CACNA1C: variants seen among roughly 807,000 people sequenced by gnomAD.
CACNA1C encodes the protein calcium voltage-gated channel subunit alpha1 C.
A neutral mutation model predicts 229.0 loss-of-function variants in CACNA1C; 30 were observed. The ratio of observed to expected loss-of-function variants is 0.13; its 90% CI spans 0.10 to 0.18. The LOEUF is 0.18. CACNA1C is among the 10% of genes least tolerant of loss of function. The pLI, the probability that CACNA1C is intolerant of heterozygous loss-of-function variation, is 1.00. For missense variants in CACNA1C, 1,658 were observed against 2,845.0 expected (o/e 0.58, Z 9.49); for synonymous variants, 1,114 against 1,132.5 (o/e 0.98, Z 0.33).
intron 3 of CACNA1C, among the ~76,000 whole-genome samples, chr12:2,323,394 C>T (rs11833218): frequency 0.033 from 4,954 of 152,270 alleles, 185 homozygotes; most frequent in African/African-American, 0.085. Context: ...TGCAGCTGCA[C>T]CTTGGCAAAG....
chr12:2,128,201 G>T (rs1490119865), intron 3 of CACNA1C, among the ~76,000 whole-genome samples: 1 of 152,228 alleles, frequency 6.6e-6, no homozygotes, highest in Admixed American at 6.5e-5. Flanking sequence ...TGGAACTTAG[G>T]ACTGTATGAA....
chr12:2,292,926 G>A lies in CACNA1C; in HGVS notation c.478-156050G>A, dbSNP rs11615645. Among the ~76,000 whole-genome samples, 271 of 151,544 alleles carry A rather than the reference G, an allele frequency of 1.8e-3. 2 individuals carry two copies. The highest frequency in any genetic ancestry group is 3.1e-3 in the Non-Finnish European group (209 of 67,898). On this transcript the variant is annotated intron_variant, in intron 3 of 46. Transcript: ENST00000399655. Reference sequence around the variant, plus strand: ...ATGCCAGAGAGCTTTCCGTAATTGCGTCCTTTCTTTTTTTTTTTTTCTGGT... The same window carrying A: ...ATGCCAGAGAGCTTTCCGTAATTGCATCCTTTCTTTTTTTTTTTTTCTGGT...
intron 1 of CACNA1C, among the ~76,000 whole-genome samples, chr12:1,976,038 CA>C (rs2034250040): frequency 6.6e-6 from 1 of 152,136 alleles, no homozygotes; most frequent in African/African-American, 2.4e-5. Context: ...AGAGATACCA[CA>C]AGGCTCAAGA....
chr12:2,607,197 T>A, intron 26 of CACNA1C, 67 bp downstream of exon 26: 3 of 1,514,670 alleles, frequency 2.0e-6, no homozygotes, highest in Non-Finnish European at 2.7e-6. Context: ...TTCCAGCCCA[T>A]CCCCAAGTTT....
rs2154457682 is a variant in CACNA1C at position 1,971,021 on chromosome 12, G to T, written c.-42G>T. On this transcript the variant is annotated 5_prime_UTR_variant, in exon 1 of 47. Transcript: ENST00000682462. The surrounding 1 kb of genome is among the most constrained non-coding windows in gnomAD (Gnocchi z 4.2). ...AGATCATGAGCAGGATAATTATTTA[G>T]CTTTAAAAATCAACCAATTAATATA... The T allele has an allele frequency of 8.1e-7, 1 of 1,233,996 alleles. No homozygotes were observed. The highest frequency in any genetic ancestry group is 1.3e-5 in the South Asian group (1 of 76,756). 76.4% of individuals were successfully genotyped at this position (1,233,996 alleles called of 1,614,324 possible). A position where few individuals can be genotyped will look rare whatever the true frequency, so the allele number is the denominator to read the frequency against.
chr12:2,354,860 G>T lies in CACNA1C; in HGVS notation c.478-94116G>T, dbSNP rs564200231. On this transcript the variant is annotated intron_variant, in intron 3 of 46. Coordinates refer to ENST00000399655, the MANE Select transcript of CACNA1C (RefSeq NM_000719.7). The surrounding 1 kb of genome is among the most constrained non-coding windows in gnomAD (Gnocchi z 4.6). ...AGCTGGAGTAACCATTTCAGAGCTG[G>T]TCGTTTCCCCGCAGCTTTAGATTCC... Among the ~76,000 whole-genome samples the T allele has an allele frequency of 2.0e-5, 3 of 152,218 alleles. No individual in the cohort carries two copies. The East Asian group carries it at 5.8e-4, about 29-fold the overall frequency.
At chr12:2,379,477 G>A (rs1035225110) in intron 3 of CACNA1C, among the ~76,000 whole-genome samples, 9 of 152,156 alleles carry the variant, frequency 5.9e-5, no homozygotes, top group South Asian at 2.1e-4. Context: ...AAGAAGGCAC[G>A]TTGTTAAAAG....
intron 3 of CACNA1C, among the ~76,000 whole-genome samples, chr12:2,129,990 A>G (rs1293646748): frequency 6.6e-6 from 1 of 152,154 alleles, no homozygotes; most frequent in Non-Finnish European, 1.5e-5. Context: ...TGGGTTTTAT[A>G]ACATTGATTT....
chr12:2,585,466 G>A lies in CACNA1C; in HGVS notation c.2430G>A (p.Thr810=), dbSNP rs775571017. ...KEEKIELKSI[T]ADGESPPATK... The stretch of plus-strand genomic sequence containing the variant: ...AGAAGATTGAGCTGAAATCCATCAC[G>A]GCTGACGGAGAGTCTCCACCCGCCA... Residue 810 remains threonine, a synonymous_variant, in exon 17 of 47, where the codon ACG becomes ACA. Transcript: ENST00000399655. This position sits in a 1 kb window ranked among gnomAD's most constrained non-coding sequence, Gnocchi z 4.1. 40 of 1,577,292 alleles carry A rather than the reference G, an allele frequency of 2.5e-5. No homozygotes were observed. Among genetic ancestry groups the A allele is most frequent in the South Asian group, 3.5e-5 (3 of 86,670 alleles).
In CACNA1C at chr12:2,248,011, G is replaced by A. The variant is rs149056445; in HGVS notation, c.477+127581G>A. On this transcript the variant is annotated intron_variant, in intron 3 of 46. Coordinates refer to ENST00000399655, the MANE Select transcript of CACNA1C (RefSeq NM_000719.7). The stretch of plus-strand genomic sequence containing the variant: ...GTTATTTCTAAAATTGAGCTGAATC[G>A]TGGGCATCTTTTTCCACTCAAACTT... 5.7e-4 allele frequency among the ~76,000 whole-genome samples: 87 copies of A among 152,294 alleles called. 1 individual carries two copies. In the East Asian group the frequency reaches 0.013, roughly 22 times the overall value.
At chr12:2,520,129 G>A (rs5020598) in intron 9 of CACNA1C, among the ~76,000 whole-genome samples, 1,920 of 76,230 alleles carry the variant, frequency 0.025, no homozygotes, top group Middle Eastern at 0.12. Context: ...GAGGGAAGCC[G>A]TGACAGTCTT....
chr12:2,620,736 C>T (rs1230269678), intron 29 of CACNA1C, among the ~76,000 whole-genome samples: 1 of 152,196 alleles, frequency 6.6e-6, no homozygotes, highest in East Asian at 1.9e-4. Context: ...GCATGTGTTT[C>T]CACACACACA....
intron 3 of CACNA1C, among the ~76,000 whole-genome samples, chr12:2,294,646 C>T (rs1400688355): frequency 6.6e-6 from 1 of 152,078 alleles, no homozygotes; most frequent in Non-Finnish European, 1.5e-5. Context: ...CTCAGGCTTG[C>T]CATCCGAGCC....
chr12:2,330,123 A>G (rs754595568), intron 3 of CACNA1C, among the ~76,000 whole-genome samples: 8 of 152,208 alleles, frequency 5.3e-5, no homozygotes, highest in Non-Finnish European at 8.8e-5. Flanking sequence ...AGAAGGGTGG[A>G]TGGTACCACA....
chr12:2,363,093 T>G (rs1189822516), intron 3 of CACNA1C, among the ~76,000 whole-genome samples: 2 of 152,098 alleles, frequency 1.3e-5, no homozygotes, highest in African/African-American at 4.8e-5. Context: ...CACTCCCACA[T>G]GGTCACAGTA....
intron 3 of CACNA1C, among the ~76,000 whole-genome samples, chr12:2,213,100 C>A (rs1421863113): frequency 1.3e-5 from 2 of 152,078 alleles, no homozygotes; most frequent in South Asian, 2.1e-4. Flanking sequence ...GGGGCTGGGG[C>A]CCGGCTAAAT....
In CACNA1C at chr12:2,313,685, G is replaced by C. The variant is rs192120533; in HGVS notation, c.478-135291G>C. Among the ~76,000 whole-genome samples, 826 of 152,214 alleles carry C rather than the reference G, an allele frequency of 5.4e-3. 4 individuals carry two copies. The highest frequency in any genetic ancestry group is 0.011 in the Admixed American group (170 of 15,292). Reference sequence around the variant, plus strand: ...TTTCCCTCTAATGTGGACACATGCTGGTTCCCTCCCTGCCTTAGGGAAGGA... The same window carrying C: ...TTTCCCTCTAATGTGGACACATGCTCGTTCCCTCCCTGCCTTAGGGAAGGA... On this transcript the variant is annotated intron_variant, in intron 3 of 46. Transcript: ENST00000399655.
At chr12:2,379,955 C>G (rs958010628) in intron 3 of CACNA1C, among the ~76,000 whole-genome samples, 1 of 144,128 alleles carries the variant, frequency 6.9e-6, no homozygotes, top group Non-Finnish European at 1.5e-5. Flanking sequence ...GGCGTGAACC[C>G]GGGAGGCGGA....
intron 3 of CACNA1C, among the ~76,000 whole-genome samples, chr12:2,352,776 A>G (rs898142735): frequency 6.6e-6 from 1 of 152,120 alleles, no homozygotes; most frequent in African/African-American, 2.4e-5. Flanking sequence ...GCAAAGAAAA[A>G]TGAGTTCAGG....
Sources: allele counts gnomAD v4.1 joint callset (sites outside exome capture counted in the v4.1 genomes callset), GRCh38; gene constraint gnomAD v4.1.1; non-coding constraint Gnocchi (gnomAD v3.1); transcripts MANE v1.5; gene names NCBI Gene and HGNC (gene_info 2026-07-23, HGNC 2026-07-21).